Variants in TMEM117 observed in about 807,000 individuals in gnomAD.
TMEM117 encodes transmembrane protein 117.
TMEM117 carries 27 observed loss-of-function variants against 52.4 expected under a neutral mutation model. That is an observed-to-expected ratio of 0.51 (90% CI 0.38 to 0.71). The LOEUF (loss-of-function observed/expected upper bound fraction) is 0.71. TMEM117 is among the 30% of genes least tolerant of loss of function. The pLI is 0.00. For synonymous variants in TMEM117, 215 were observed against 206.3 expected (o/e 1.04, Z -0.36); for missense variants, 556 against 630.5 (o/e 0.88, Z 1.26).
intron 7 of TMEM117, among the ~76,000 whole-genome samples, chr12:44,382,639 T>C (rs1191410943): frequency 6.6e-6 from 1 of 152,212 alleles, no homozygotes; most frequent in East Asian, 1.9e-4. Flanking sequence ...CTTTCTATGC[T>C]TATGATCACA....
In TMEM117 at chr12:44,170,158, G is replaced by A. The variant is rs1264315167; in HGVS notation, c.510+26534G>A. Among the ~76,000 whole-genome samples the A allele has an allele frequency of 7.2e-5, 11 of 151,974 alleles. No individual in the cohort carries two copies. The East Asian group carries it at 2.1e-3, about 29-fold the overall frequency. On this transcript the variant is annotated intron_variant, in intron 4 of 7. Transcript: ENST00000266534. ...TGTCCTTTATAGGGACATGGATGAA[G>A]CTGGAAACCATCATTCTCAGCAAAC...
chr12:44,303,381 AG>A (rs1950866365), intron 6 of TMEM117, among the ~76,000 whole-genome samples: 2 of 152,170 alleles, frequency 1.3e-5, no homozygotes, highest in Non-Finnish European at 2.9e-5. Context: ...AGAAACCATT[AG>A]AATTTGGTGC....
intron 4 of TMEM117, among the ~76,000 whole-genome samples, chr12:44,146,625 C>T (rs1467578607): frequency 2.6e-5 from 4 of 152,164 alleles, no homozygotes; most frequent in Admixed American, 2.0e-4. Context: ...TTTCTATTCA[C>T]TGATTGGGCA....
chr12:44,335,128 G>A (rs115980256), intron 6 of TMEM117, among the ~76,000 whole-genome samples: 1 of 152,006 alleles, frequency 6.6e-6, no homozygotes, highest in African/African-American at 2.4e-5. Flanking sequence ...ATGGTGATAG[G>A]CTTGAGAAGA....
chr12:44,273,345 C>A (rs1950472971), intron 5 of TMEM117, among the ~76,000 whole-genome samples: 1 of 151,232 alleles, frequency 6.6e-6, no homozygotes, highest in Non-Finnish European at 1.5e-5. Flanking sequence ...TGCACATGTA[C>A]CCTAGAACTT....
At chr12:44,088,908 C>T (rs148035031) in intron 3 of TMEM117, among the ~76,000 whole-genome samples, 59 of 152,320 alleles carry the variant, frequency 3.9e-4, no homozygotes, top group African/African-American at 1.3e-3. Flanking sequence ...ACACTATATG[C>T]CTGGGAGCTG....
chr12:44,295,896 C>A (rs1407792783), intron 5 of TMEM117, among the ~76,000 whole-genome samples: 1 of 151,990 alleles, frequency 6.6e-6, no homozygotes, highest in Non-Finnish European at 1.5e-5. Flanking sequence ...TTATCTAATT[C>A]TTTATTGTCT....
At chr12:44,198,164 A>T (rs190036398) in intron 4 of TMEM117, among the ~76,000 whole-genome samples, 1 of 152,240 alleles carries the variant, frequency 6.6e-6, no homozygotes, top group Non-Finnish European at 1.5e-5. Flanking sequence ...TGGAAGTGAT[A>T]TTGTGTAAGA....
intron 2 of TMEM117, among the ~76,000 whole-genome samples, chr12:43,903,688 A>G (rs10880579): frequency 0.72 from 108,635 of 151,710 alleles, 41,994 homozygotes; most frequent in East Asian, 0.87. Flanking sequence ...GCACTTTACA[A>G]GAGAGTTTCT....
intron 2 of TMEM117, among the ~76,000 whole-genome samples, chr12:43,861,898 A>T (rs994581994): frequency 1.3e-5 from 2 of 152,130 alleles, no homozygotes; most frequent in Non-Finnish European, 2.9e-5. Flanking sequence ...AATTCATCAG[A>T]TATTTTTGTC....
the TMEM117 span, among the ~76,000 whole-genome samples, chr12:44,395,406 C>T: frequency 1.3e-5 from 2 of 152,180 alleles, no homozygotes; most frequent in Admixed American, 1.3e-4. Flanking sequence ...TGCAATTAAT[C>T]TTAATTGGTC....
intron 2 of TMEM117, among the ~76,000 whole-genome samples, chr12:43,905,750 T>C (rs1488699204): frequency 6.6e-6 from 1 of 152,204 alleles, no homozygotes; most frequent in African/African-American, 2.4e-5. Context: ...CATATCTTTA[T>C]ATTTTTAGAG....
At chr12:44,126,729 A>T (rs1948331455) in intron 3 of TMEM117, among the ~76,000 whole-genome samples, 1 of 152,222 alleles carries the variant, frequency 6.6e-6, no homozygotes, top group Non-Finnish European at 1.5e-5. Context: ...CCCAACATAA[A>T]CATGACCTCT....
At chr12:43,898,475 A>G (rs867512151) in intron 2 of TMEM117, among the ~76,000 whole-genome samples, 11 of 152,024 alleles carry the variant, frequency 7.2e-5, no homozygotes, top group Middle Eastern at 6.8e-3. Context: ...TAGGTTAATA[A>G]TAGACCCTAC....
chr12:43,858,076 G>T (rs1489999501), intron 2 of TMEM117, among the ~76,000 whole-genome samples: 4 of 152,170 alleles, frequency 2.6e-5, no homozygotes, highest in African/African-American at 9.7e-5. Flanking sequence ...TGGTGGCCTT[G>T]ACACTATATC....
rs2138877026 is a variant in TMEM117, at chr12:44,388,087, G to A, written c.960G>A (p.Lys320=). 6.2e-7 allele frequency: 1 copy of A among 1,612,634 alleles called. No individual in the cohort carries two copies. Among genetic ancestry groups the A allele is most frequent in the South Asian group, 1.1e-5 (1 of 90,998 alleles). Reference sequence around the variant, plus strand: ...TGATTTTGGATCTTAATATGTGGAAGAACCAAATATTTTATAAACCTCATG... The same window carrying A: ...TGATTTTGGATCTTAATATGTGGAAAAACCAAATATTTTATAAACCTCATG... The part of the protein sequence containing the change: ...LVLILDLNMW[K]NQIFYKPHEY... The change falls in exon 8 of 8, where the codon AAG becomes AAA. Residue 320 remains lysine (K), a synonymous_variant. Coordinates refer to ENST00000266534, the MANE Select transcript of TMEM117 (RefSeq NM_032256.3).
intron 6 of TMEM117, among the ~76,000 whole-genome samples, chr12:44,309,736 A>G (rs533036115): frequency 6.6e-6 from 1 of 152,002 alleles, no homozygotes; most frequent in African/African-American, 2.4e-5. Flanking sequence ...GGAATTTCCT[A>G]AGGCACACAG....
intron 6 of TMEM117, among the ~76,000 whole-genome samples, chr12:44,342,862 G>GGT (rs1951435675): frequency 6.6e-6 from 1 of 151,842 alleles, no homozygotes; most frequent in Admixed American, 6.6e-5. Flanking sequence ...AAAAGAGAAT[G>GGT]GTTTGTTTTT....
the TMEM117 span, among the ~76,000 whole-genome samples, chr12:43,813,984 T>G: frequency 6.6e-6 from 1 of 152,114 alleles, no homozygotes; most frequent in Non-Finnish European, 1.5e-5. Flanking sequence ...CCTAGTAGAT[T>G]TTCAGGTATA....
Sources: allele counts gnomAD v4.1 joint callset (sites outside exome capture counted in the v4.1 genomes callset), GRCh38; gene constraint gnomAD v4.1.1; transcripts MANE v1.5; gene names NCBI Gene and HGNC (gene_info 2026-07-23, HGNC 2026-07-21).